The following VMAC variants were observed in gnomAD, a reference collection of about 807,000 sequenced individuals.
VMAC encodes the protein vimentin-type intermediate filament-associated coiled-coil protein.
Under a neutral mutation model 4.8 loss-of-function variants are expected in VMAC, and 8 were observed. The observed-to-expected ratio is 1.68, with a 90% CI of 0.99 to 3.03. The LOEUF is 3.03. Among genes scored for constraint, VMAC ranks in the 30% most tolerant of loss-of-function variants. VMAC has a pLI of 0.00. For missense variants in VMAC, 248 were observed against 245.1 expected, an observed-to-expected ratio of 1.01 and a Z score of -0.08; for synonymous variants, 96 against 113.7, an observed-to-expected ratio of 0.84 and a Z score of 0.99.
At position 5,909,883 on chromosome 19, in the gene VMAC, C is replaced by G. The variant is rs1468368226; in HGVS notation, c.*741C>G. 6.6e-6 allele frequency: 1 copy of G among 152,220 alleles called. No homozygotes were observed. The highest frequency in any genetic ancestry group is 1.5e-5 in the Non-Finnish European group (1 of 68,062). The allele number at this position is 152,220 out of a possible 1,614,324, so 9.4% of individuals were successfully genotyped here. On this transcript the variant is annotated 3_prime_UTR_variant, in exon 2 of 2. Transcript: ENST00000339485. ...CTTGTTTCTGCGCTGTCCTTCTTAGCCCAGGACATTCAGGGTGCTTTGCTT... is the reference window on the plus strand; with the variant it reads ...CTTGTTTCTGCGCTGTCCTTCTTAGGCCAGGACATTCAGGGTGCTTTGCTT...
rs1207292620 is a variant in VMAC, at chr19:5,908,772, C to A, written c.192-52C>A. On this transcript the variant is annotated intron_variant, in intron 1 of 1. Transcript: ENST00000339485. The surrounding 1 kb of genome is among the most constrained non-coding windows in gnomAD (Gnocchi z 4.5). ...CTTGCGGGTCCAGAGCAGGGAGGAG[C>A]AGGTGCTGTGGTCCTCAGTTCTGTA... The A allele has an allele frequency of 2.4e-5, 38 of 1,588,402 alleles. No individual in the cohort carries two copies. Among genetic ancestry groups the A allele is most frequent in the Non-Finnish European group, 3.3e-5 (38 of 1,163,402 alleles).
chr19:5,905,336 G>C (rs866184558), intron 1 of VMAC, among the ~76,000 whole-genome samples: 3 of 152,370 alleles, frequency 2.0e-5, no homozygotes, highest in Middle Eastern at 3.4e-3. Flanking sequence ...AGGGACCACA[G>C]ACCGCCCAGC....
chr19:5,905,127 G>A (rs1200188451), intron 1 of VMAC, 46 bp downstream of exon 1: 2 of 1,335,470 alleles, frequency 1.5e-6, no homozygotes, highest in African/African-American at 1.5e-5. Flanking sequence ...GGCGGTAGGC[G>A]GAGGCAGAGC....
rs946140275 is a variant in VMAC, at chr19:5,910,522, C to T, written c.*1380C>T. 2 of 152,100 alleles carry T rather than the reference C, an allele frequency of 1.3e-5. No individual in the cohort carries two copies. The highest frequency in any genetic ancestry group is 2.9e-5 in the Non-Finnish European group (2 of 68,046). 9.4% of individuals were successfully genotyped at this position (152,100 alleles called of 1,614,324 possible). ...GACCACCCTGGCCAACATGGTGAAA[C>T]CCCGTCTCTACTAAAAATACTAAAA... is the stretch of plus-strand genomic sequence containing the variant. On this transcript the variant is annotated 3_prime_UTR_variant, in exon 2 of 2. Coordinates refer to ENST00000339485, the MANE Select transcript of VMAC (RefSeq NM_001017921.4).
chr19:5,907,522 C>T (rs1168224653), intron 1 of VMAC, among the ~76,000 whole-genome samples: 4 of 149,206 alleles, frequency 2.7e-5, no homozygotes, highest in Non-Finnish European at 4.4e-5. Flanking sequence ...CCTATACTCT[C>T]AGCACTTTGG....
At position 5,904,902 on chromosome 19, in the gene VMAC, G is replaced by C. The variant is rs1425254245; in HGVS notation, c.12G>C (p.Pro4=). 2.0e-6 allele frequency: 3 copies of C among 1,481,896 alleles called. No homozygotes were observed. The highest frequency in any genetic ancestry group is 2.9e-5 in the East Asian group (1 of 34,486). 91.8% of individuals were successfully genotyped at this position (1,481,896 alleles called of 1,614,324 possible). A position where few individuals can be genotyped will look rare whatever the true frequency, so the allele number is the denominator to read the frequency against. Residue 4 remains proline, a synonymous_variant, in exon 1 of 2, where the codon CCG becomes CCC. Coordinates refer to ENST00000339485, the MANE Select transcript of VMAC (RefSeq NM_001017921.4). ...CAGCAGCCTGGGCCATGTCGGCGCC[G>C]CCGGCCCTGCAGATCCGGGAGGCAA... MSA[P]PALQIREANA... is the part of the protein sequence containing the mutation.
At position 5,908,016 on chromosome 19, in the gene VMAC, T is replaced by C. The variant is rs10410205; in HGVS notation, c.192-808T>C. The stretch of plus-strand genomic sequence containing the variant: ...GGACTAATACACCTCCCATTGGGGT[T>C]AGGACTTCATCATATGAATTTTGGG... On this transcript the variant is annotated intron_variant, in intron 1 of 1. Transcript: ENST00000339485. The surrounding 1 kb of genome is among the most constrained non-coding windows in gnomAD (Gnocchi z 4.5). 0.016 allele frequency among the ~76,000 whole-genome samples: 2,461 copies of C among 152,290 alleles called. 48 individuals are homozygous for C. Among genetic ancestry groups the C allele is most frequent in the African/African-American group, 0.055 (2,277 of 41,546 alleles).
chr19:5,909,489 T>G lies in VMAC; in HGVS notation c.*347T>G. 2 of 223,228 alleles carry G rather than the reference T, an allele frequency of 9.0e-6. No individual in the cohort carries two copies. Among genetic ancestry groups the G allele is most frequent in the Admixed American group, 6.0e-5 (1 of 16,686 alleles). The allele number at this position is 223,228 out of a possible 1,614,324, so 13.8% of individuals were successfully genotyped here. A position where few individuals can be genotyped will look rare whatever the true frequency, so the allele number is the denominator to read the frequency against. ...GGTGTGAGTTTCTGTTTTTTGTTTT[T>G]TTTTTTTTAAGACAGAGTCCCACTC... On this transcript the variant is annotated 3_prime_UTR_variant, in exon 2 of 2. Coordinates refer to ENST00000339485, the MANE Select transcript of VMAC (RefSeq NM_001017921.4).
Position 5,908,814 on chromosome 19 carries a change from T to C in VMAC, c.192-10T>C, listed in dbSNP as rs778953624. On this transcript the variant is annotated splice_polypyrimidine_tract_variant and intron_variant, in intron 1 of 1. Transcript: ENST00000339485. This position sits in a 1 kb window ranked among gnomAD's most constrained non-coding sequence, Gnocchi z 4.5. ...AGTTCTGTAATCACCTCCTCTTGCCTTCCTGCCAGTGAGATTGCCACACTC... is the reference window on the plus strand; with the variant it reads ...AGTTCTGTAATCACCTCCTCTTGCCCTCCTGCCAGTGAGATTGCCACACTC... 1.1e-5 allele frequency: 18 copies of C among 1,613,320 alleles called. 1 individual carries two copies. The South Asian group carries it at 2.0e-4, about 18-fold the overall frequency.
chr19:5,905,161 CA>C, intron 1 of VMAC, 80 bp downstream of exon 1: 1 of 1,303,506 alleles, frequency 7.7e-7, no homozygotes, highest in Non-Finnish European at 9.8e-7. Flanking sequence ...CGAGGAAGGG[CA>C]GGGGGAACCG....
At chr19:5,906,405 G>A (rs192262829) in intron 1 of VMAC, among the ~76,000 whole-genome samples, 24 of 152,326 alleles carry the variant, frequency 1.6e-4, no homozygotes, top group South Asian at 4.1e-4. Flanking sequence ...CATTTTTACC[G>A]AGCACCTGCT....
chr19:5,908,234 C>T lies in VMAC; in HGVS notation c.192-590C>T, dbSNP rs1411854465. Among the ~76,000 whole-genome samples the T allele has an allele frequency of 2.0e-5, 3 of 152,134 alleles. No homozygotes were observed. The highest frequency in any genetic ancestry group is 1.5e-5 in the Non-Finnish European group (1 of 68,042). ...TGGCGCATGCCTGTAAACCCAGCTA[C>T]TCGGGAGGTTGAGGAGGACAGTTTG... is the stretch of plus-strand genomic sequence containing the variant. On this transcript the variant is annotated intron_variant, in intron 1 of 1. Coordinates refer to ENST00000339485, the MANE Select transcript of VMAC (RefSeq NM_001017921.4). This position sits in a 1 kb window ranked among gnomAD's most constrained non-coding sequence, Gnocchi z 4.5.
Position 5,905,461 on chromosome 19 carries a change from C to G in VMAC, c.191+380C>G, listed in dbSNP as rs572231887. The stretch of plus-strand genomic sequence containing the variant: ...TGAGACGGAGTTTCGCTCTTGTCGC[C>G]TAGGCTGGAGTGCAGTGGCGTGATC... On this transcript the variant is annotated intron_variant, in intron 1 of 1. Coordinates refer to ENST00000339485, the MANE Select transcript of VMAC (RefSeq NM_001017921.4). 9.7e-4 allele frequency among the ~76,000 whole-genome samples: 148 copies of G among 152,334 alleles called. 2 individuals carry two copies. The highest frequency in any genetic ancestry group is 3.3e-3 in the African/African-American group (139 of 41,566).
chr19:5,905,231 G>T (rs912952072), intron 1 of VMAC, 150 bp downstream of exon 1: 2 of 909,254 alleles, frequency 2.2e-6, no homozygotes, highest in Non-Finnish European at 3.0e-6. Context: ...CAAAAAACTC[G>T]AATTAGTAAT....
chr19:5,904,883 C>G lies in VMAC; in HGVS notation c.-8C>G. On this transcript the variant is annotated 5_prime_UTR_variant, in exon 1 of 2. Coordinates refer to ENST00000339485, the MANE Select transcript of VMAC (RefSeq NM_001017921.4). ...GGGCGTGGCCGGGCCTGTACAGCAG[C>G]CTGGGCCATGTCGGCGCCGCCGGCC... 6.8e-7 allele frequency: 1 copy of G among 1,470,770 alleles called. No individual in the cohort carries two copies. The allele number at this position is 1,470,770 out of a possible 1,614,324, so 91.1% of individuals were successfully genotyped here.
rs764722035 is a variant in VMAC at position 5,908,938 on chromosome 19, G to GCTGCTGCAGGACAT, written c.311_324dup (p.Arg109CysfsTer117). The GCTGCTGCAGGACAT allele has an allele frequency of 5.3e-5, 85 of 1,613,558 alleles. No homozygotes were observed. The highest frequency in any genetic ancestry group is 6.9e-5 in the Non-Finnish European group (82 of 1,179,918). ...TTAGGCAGTTGCAGCCCCGGGCTGA[G>GCTGCTGCAGGACAT]CTGCTGCAGGACATCTGCCGCCGCC... On this transcript the variant is annotated frameshift_variant, in exon 2 of 2. Transcript: ENST00000339485. LOFTEE classifies it low-confidence loss of function (END_TRUNC). This position sits in a 1 kb window ranked among gnomAD's most constrained non-coding sequence, Gnocchi z 4.5.
chr19:5,908,627 A>G lies in VMAC; in HGVS notation c.192-197A>G, dbSNP rs956652134. On this transcript the variant is annotated intron_variant, in intron 1 of 1. Transcript: ENST00000339485. This position sits in a 1 kb window ranked among gnomAD's most constrained non-coding sequence, Gnocchi z 4.5. ...CTAGACTTCGTCTCAAAAAAAAATA[A>G]TAATAAAATAAAATATAATAATAAT... is the stretch of plus-strand genomic sequence containing the variant. Among the ~76,000 whole-genome samples, 1 of 124,434 alleles carries G rather than the reference A, an allele frequency of 8.0e-6. No individual in the cohort carries two copies. Among genetic ancestry groups the G allele is most frequent in the African/African-American group, 3.0e-5 (1 of 33,790 alleles). 81.6% of individuals were successfully genotyped at this position (124,434 alleles called of 152,430 possible). A position where few individuals can be genotyped will look rare whatever the true frequency, so the allele number is the denominator to read the frequency against.
At chr19:5,905,458 C>T (rs764558124) in intron 1 of VMAC, among the ~76,000 whole-genome samples, 9 of 152,134 alleles carry the variant, frequency 5.9e-5, no homozygotes, top group Non-Finnish European at 1.2e-4. Context: ...TCGCTCTTGT[C>T]GCCTAGGCTG....
rs11365263 is a variant in VMAC at position 5,908,615 on chromosome 19, CA to C, written c.192-200del. Among the ~76,000 whole-genome samples the C allele has an allele frequency of 0.42, 61,863 of 148,958 alleles. 13,356 individuals carry two copies. The highest frequency in any genetic ancestry group is 0.66 in the East Asian group (3,411 of 5,138). On this transcript the variant is annotated intron_variant, in intron 1 of 1. Coordinates refer to ENST00000339485, the MANE Select transcript of VMAC (RefSeq NM_001017921.4). This position sits in a 1 kb window ranked among gnomAD's most constrained non-coding sequence, Gnocchi z 4.5. The stretch of plus-strand genomic sequence containing the variant: ...TGGGCGACAGAGCTAGACTTCGTCT[CA>C]AAAAAAAATAATAATAAAATAAAAT...
Sources: allele counts gnomAD v4.1 joint callset (sites outside exome capture counted in the v4.1 genomes callset), GRCh38; gene constraint gnomAD v4.1.1; non-coding constraint Gnocchi (gnomAD v3.1); transcripts MANE v1.5; gene names NCBI Gene and HGNC (gene_info 2026-07-23, HGNC 2026-07-21).